AOC3: variants seen among roughly 807,000 people sequenced by gnomAD.
The protein encoded by AOC3 is amine oxidase [copper-containing] 3.
In AOC3, 47 loss-of-function variants were observed where a neutral mutation model predicts 55.4. The ratio of observed to expected loss-of-function variants is 0.85; its 90% CI spans 0.67 to 1.08. AOC3 has a LOEUF of 1.08. Among genes scored for constraint, AOC3 ranks in the 50% least tolerant of loss-of-function variants. AOC3 has a pLI of 0.00. For missense variants in AOC3, 853 were observed against 993.1 expected, an observed-to-expected ratio of 0.86 and a Z score of 1.90; for synonymous variants, 386 against 410.7, an observed-to-expected ratio of 0.94 and a Z score of 0.73.
intron 3 of AOC3, among the ~76,000 whole-genome samples, chr17:42,855,819 T>C (rs2055741656): frequency 6.6e-6 from 1 of 152,216 alleles, no homozygotes. Flanking sequence ...CTGAGTCCTT[T>C]CCAGGCTCCA....
chr17:42,855,767 G>A (rs34611272), intron 3 of AOC3, among the ~76,000 whole-genome samples, 194 bp downstream of exon 3: 3,049 of 152,286 alleles, frequency 0.02, 91 homozygotes, highest in African/African-American at 0.069. Context: ...CCCTGGGCCT[G>A]TCCTTGAGAT....
At position 42,855,066 on chromosome 17, in the gene AOC3, C is replaced by T. The variant is rs35001681; in HGVS notation, c.1886+333C>T. Among the ~76,000 whole-genome samples, 1,235 of 152,118 alleles carry T rather than the reference C, an allele frequency of 8.1e-3. 11 individuals carry two copies. Among genetic ancestry groups the T allele is most frequent in the African/African-American group, 0.027 (1,110 of 41,490 alleles). ...TTCACCATGTTGGCCAGGCTGGTCT[C>T]GAACTCCTGACCTCATGATCCACCC... On this transcript the variant is annotated intron_variant, in intron 2 of 3. Transcript: ENST00000308423.
chr17:42,851,787 C>T lies in AOC3; in HGVS notation c.444C>T (p.His148=). 6.2e-7 allele frequency: 1 copy of T among 1,613,360 alleles called. No homozygotes were observed. Among genetic ancestry groups the T allele is most frequent in the Non-Finnish European group, 8.5e-7 (1 of 1,179,980 alleles). ...VSELVVGPLP[H]PSYMRDVTVE... is the part of the protein sequence containing the mutation. ...AGCTGGTGGTGGGGCCACTGCCTCA[C>T]CCCTCCTACATGCGGGACGTGACTG... The change falls in exon 1 of 4, where the codon CAC becomes CAT. Residue 148 remains histidine, a synonymous_variant. Transcript: ENST00000308423.
At chr17:42,853,422 C>T (rs767928708) in intron 1 of AOC3, 93 of 995,152 alleles carry the variant, frequency 9.3e-5, no homozygotes, top group Non-Finnish European at 1.0e-4. Context: ...CCTGATTTTC[C>T]TTCTTTCTCT....
rs949373556 is a variant in AOC3 at position 42,856,677 on chromosome 17, A to C, written c.*127A>C. ...GTGCCAGGACTCTCTTTCTTCCACT[A>C]CCCTCCCTCGCATCCGCCTCTGAGC... On this transcript the variant is annotated 3_prime_UTR_variant, in exon 4 of 4. Transcript: ENST00000308423. 6.2e-6 allele frequency: 7 copies of C among 1,133,216 alleles called. No homozygotes were observed. Among genetic ancestry groups the C allele is most frequent in the South Asian group, 3.1e-5 (2 of 64,964 alleles). 70.2% of individuals were successfully genotyped at this position (1,133,216 alleles called of 1,614,324 possible). A position where few individuals can be genotyped will look rare whatever the true frequency, so the allele number is the denominator to read the frequency against.
At position 42,851,330 on chromosome 17, in the gene AOC3, C is replaced by T. The variant is rs2055660304; in HGVS notation, c.-14C>T. Reference sequence around the variant, plus strand: ...TCTCCTTTGGTTGAATCAGCTGTCCCTCTTCGTGGGAAAATGAACCAGAAG... The same window carrying T: ...TCTCCTTTGGTTGAATCAGCTGTCCTTCTTCGTGGGAAAATGAACCAGAAG... On this transcript the variant is annotated 5_prime_UTR_variant, in exon 1 of 4. Transcript: ENST00000308423. 3 of 1,579,676 alleles carry T rather than the reference C, an allele frequency of 1.9e-6. No homozygotes were observed. The highest frequency in any genetic ancestry group is 1.3e-5 in the African/African-American group (1 of 74,526).
chr17:42,853,386 A>G (rs1378083170), intron 1 of AOC3: 6 of 997,924 alleles, frequency 6.0e-6, no homozygotes, highest in Non-Finnish European at 7.2e-6. Flanking sequence ...CAGGTTGTAC[A>G]TTTCCTTTGG....
Position 42,856,385 on chromosome 17 carries a change from C to T in AOC3, c.2127C>T (p.Asn709=), listed in dbSNP as rs1383307353. ...NGVGFFLRPY[N]FFDEDPSFYS... is the part of the protein sequence containing the mutation. The stretch of plus-strand genomic sequence containing the variant: ...TGGGCTTCTTCCTCCGACCCTATAA[C>T]TTCTTTGACGAAGACCCCTCCTTCT... Residue 709 remains asparagine (N), a synonymous_variant, in exon 4 of 4, where the codon AAC becomes AAT. Transcript: ENST00000308423. 6.2e-7 allele frequency: 1 copy of T among 1,614,224 alleles called. No homozygotes were observed. Among genetic ancestry groups the T allele is most frequent in the East Asian group, 2.2e-5 (1 of 44,890 alleles).
At position 42,851,874 on chromosome 17, in the gene AOC3, G is replaced by A; in HGVS notation, c.531G>A (p.Leu177=). The change falls in exon 1 of 4, where the codon CTG becomes CTA. Residue 177 remains leucine (L), a synonymous_variant. Coordinates refer to ENST00000308423, the MANE Select transcript of AOC3 (RefSeq NM_003734.4). Reference sequence around the variant, plus strand: ...GCCCCGTGCTGTTCCAAGAGTACCTGGACATAGACCAGATGATCTTCAACA... The same window carrying A: ...GCCCCGTGCTGTTCCAAGAGTACCTAGACATAGACCAGATGATCTTCAACA... ...HRRPVLFQEY[L]DIDQMIFNRE... The A allele has an allele frequency of 1.2e-6, 2 of 1,613,730 alleles. No homozygotes were observed. Among genetic ancestry groups the A allele is most frequent in the Non-Finnish European group, 1.7e-6 (2 of 1,180,044 alleles).
At chr17:42,856,062 G>A (rs1052789565) in intron 3 of AOC3, among the ~76,000 whole-genome samples, 2 of 152,218 alleles carry the variant, frequency 1.3e-5, no homozygotes, top group African/African-American at 2.4e-5. Flanking sequence ...GGCAATGGGC[G>A]ATATGATGGG....
chr17:42,853,147 C>T (rs867596978), intron 1 of AOC3: 43 of 1,379,252 alleles, frequency 3.1e-5, no homozygotes, highest in Admixed American at 1.8e-4. Context: ...CCTTCCTCTA[C>T]GTGACCTCAT....
chr17:42,856,418 C>G lies in AOC3; in HGVS notation c.2160C>G (p.Ala720=), dbSNP rs753309316. The stretch of plus-strand genomic sequence containing the variant: ...ACGAAGACCCCTCCTTCTACTCTGC[C>G]GACTCCATCTACTTCCGAGGGGACC... ...FFDEDPSFYS[A]DSIYFRGDQD... is the part of the protein sequence containing the mutation. Residue 720 remains alanine, a synonymous_variant, in exon 4 of 4, where the codon GCC becomes GCG. Coordinates refer to ENST00000308423, the MANE Select transcript of AOC3 (RefSeq NM_003734.4). The G allele has an allele frequency of 7.7e-5, 124 of 1,614,182 alleles. No homozygotes were observed. In the South Asian group the frequency reaches 1.3e-3, roughly 17 times the overall value.
intron 3 of AOC3, 129 bp downstream of exon 3, chr17:42,855,702 A>T: frequency 7.6e-7 from 1 of 1,313,948 alleles, no homozygotes; most frequent in Non-Finnish European, 1.1e-6. Context: ...TCTGATCATT[A>T]TCCTTTGAGG....
chr17:42,856,819 G>C lies in AOC3; in HGVS notation c.*269G>C. ...CATGGCCCAGCCTGGAGCCGTGGCC[G>C]AGGGCTTCCCTAGATGGTTCCCTTT... On this transcript the variant is annotated 3_prime_UTR_variant, in exon 4 of 4. Transcript: ENST00000308423. The C allele has an allele frequency of 3.8e-6, 2 of 522,668 alleles. No individual in the cohort carries two copies. The highest frequency in any genetic ancestry group is 5.4e-5 in the South Asian group (2 of 36,782). The allele number at this position is 522,668 out of a possible 1,614,324, so 32.4% of individuals were successfully genotyped here.
Position 42,851,711 on chromosome 17 carries a change from A to C in AOC3, c.368A>C (p.Glu123Ala), listed in dbSNP as rs1433896755. The change falls in exon 1 of 4, where the codon GAG (glutamate) becomes GCG (alanine). Residue 123 changes from glutamate (E) to alanine (A), a missense_variant. Physicochemically the swap from Glu to Ala is moderately radical, Grantham distance 107 (BLOSUM62 -1). Transcript: ENST00000308423. ...LDRGSPPPAR[E>A]ALAIVFFGRQ... The stretch of plus-strand genomic sequence containing the variant: ...AGGGGGAGCCCCCCACCTGCCCGGG[A>C]GGCACTGGCCATCGTCTTCTTTGGC... The C allele has an allele frequency of 1.2e-6, 2 of 1,612,054 alleles. No individual in the cohort carries two copies. The highest frequency in any genetic ancestry group is 1.7e-6 in the Non-Finnish European group (2 of 1,179,614).
rs2144290140 is a variant in AOC3, at chr17:42,851,872, C to G, written c.529C>G (p.Leu177Val). ...HRRPVLFQEY[L>V]DIDQMIFNRE... ...ACGCCCCGTGCTGTTCCAAGAGTAC[C>G]TGGACATAGACCAGATGATCTTCAA... The change falls in exon 1 of 4, where the codon CTG (leucine) becomes GTG (valine). Residue 177 changes from leucine to valine, a missense_variant. By Grantham distance (32) the Leu-to-Val change is conservative. Coordinates refer to ENST00000308423, the MANE Select transcript of AOC3 (RefSeq NM_003734.4). 5 of 1,613,714 alleles carry G rather than the reference C, an allele frequency of 3.1e-6. No homozygotes were observed. Among genetic ancestry groups the G allele is most frequent in the Middle Eastern group, 1.6e-4 (1 of 6,062 alleles).
intron 2 of AOC3, 66 bp downstream of exon 2, chr17:42,854,799 C>T (rs1858792170): frequency 1.5e-6 from 2 of 1,376,448 alleles, no homozygotes; most frequent in South Asian, 3.5e-5. Flanking sequence ...GGCGGACACT[C>T]AGCTCACACT....
chr17:42,852,127 C>G lies in AOC3; in HGVS notation c.784C>G (p.Gln262Glu). 1 of 1,613,918 alleles carries G rather than the reference C, an allele frequency of 6.2e-7. No homozygotes were observed. Among genetic ancestry groups the G allele is most frequent in the Non-Finnish European group, 8.5e-7 (1 of 1,179,870 alleles). The change falls in exon 1 of 4, where the codon CAG becomes GAG. Residue 262 changes from glutamine to glutamate, a missense_variant. Gln to Glu is a conservative substitution (Grantham distance 29). Coordinates refer to ENST00000308423, the MANE Select transcript of AOC3 (RefSeq NM_003734.4). ...CCTTGACCCTGCCCGCTGGACTATC[C>G]AGAAGGTGTTCTATCAAGGCCGCTA... ...KALDPARWTIQKVFYQGRYYD... is the reference protein window; with the variant it reads ...KALDPARWTIEKVFYQGRYYD...
rs1430422981 is a variant in AOC3, at chr17:42,852,275, C to A, written c.932C>A (p.Ala311Asp). The part of the protein sequence containing the change: ...SLKSPVPPGP[A>D]PPLQFYPQGP... Reference sequence around the variant, plus strand: ...AAGTCCCCTGTGCCCCCGGGTCCAGCTCCCCCTCTACAGTTCTATCCCCAA... The same window carrying A: ...AAGTCCCCTGTGCCCCCGGGTCCAGATCCCCCTCTACAGTTCTATCCCCAA... Residue 311 changes from alanine (A) to aspartate (D), a missense_variant, in exon 1 of 4, where the codon GCT (alanine) becomes GAT (aspartate). Physicochemically the swap from Ala to Asp is moderately radical, Grantham distance 126. Coordinates refer to ENST00000308423, the MANE Select transcript of AOC3 (RefSeq NM_003734.4). 9 of 1,614,044 alleles carry A rather than the reference C, an allele frequency of 5.6e-6. No individual in the cohort carries two copies. Among genetic ancestry groups the A allele is most frequent in the Non-Finnish European group, 7.6e-6 (9 of 1,180,016 alleles).
Sources: allele counts gnomAD v4.1 joint callset (sites outside exome capture counted in the v4.1 genomes callset), GRCh38; gene constraint gnomAD v4.1.1; transcripts MANE v1.5; gene names NCBI Gene and HGNC (gene_info 2026-07-23, HGNC 2026-07-21).